The following SNHG17 variants were observed in gnomAD, a reference collection of about 807,000 sequenced individuals.
The protein encoded by SNHG17 is small nucleolar RNA host gene 17.
intron 5 of SNHG17, among the ~76,000 whole-genome samples, chr20:38,424,675 CCAGA>C (rs1432015701): frequency 5.9e-5 from 9 of 152,168 alleles, no homozygotes; most frequent in African/African-American, 1.7e-4. Flanking sequence ...CCAACAATTC[CCAGA>C]CAGTGTGACC....
At chr20:38,431,511 C>T (rs968720703) in intron 2 of SNHG17, among the ~76,000 whole-genome samples, 1 of 152,216 alleles carries the variant, frequency 6.6e-6, no homozygotes, top group Non-Finnish European at 1.5e-5. Context: ...CAGCTTCCAT[C>T]TTGTCCCACA....
intron 5 of SNHG17, among the ~76,000 whole-genome samples, chr20:38,424,218 A>G (rs2122689477): frequency 6.6e-6 from 1 of 152,230 alleles, no homozygotes; most frequent in South Asian, 2.1e-4. Context: ...CCAAGGCAAG[A>G]AGGCTTTTGG....
chr20:38,427,359 G>T (rs375536948), intron 3 of SNHG17: 1 of 517,904 alleles, frequency 1.9e-6, no homozygotes, highest in African/African-American at 1.9e-5. Context: ...CTCCAAACAC[G>T]GGGACAACCT....
intron 2 of SNHG17, among the ~76,000 whole-genome samples, chr20:38,432,897 A>T (rs1295917537): frequency 6.6e-6 from 1 of 151,386 alleles, no homozygotes. Flanking sequence ...CGATCCACCC[A>T]CCTCAGTCTC....
intron 3 of SNHG17, among the ~76,000 whole-genome samples, chr20:38,426,709 C>A (rs1047623552): frequency 2.7e-5 from 4 of 150,760 alleles, no homozygotes; most frequent in Non-Finnish European, 4.4e-5. Flanking sequence ...GAGAACCAGT[C>A]ATCCTCAGGG....
At chr20:38,421,149 C>T (rs2084150697) in intron 6 of SNHG17, 1 of 152,346 alleles carries the variant, frequency 6.6e-6, no homozygotes, top group Admixed American at 6.5e-5. Context: ...GCCATCTCCT[C>T]CTCCCCAAGC....
At chr20:38,425,360 G>A (rs778842414) in intron 5 of SNHG17, 2 of 516,356 alleles carry the variant, frequency 3.9e-6, no homozygotes, top group Admixed American at 3.9e-5. Flanking sequence ...TGAGTTGAGA[G>A]GGGAGGCACT....
chr20:38,432,682 T>C (rs2084358990), intron 2 of SNHG17, among the ~76,000 whole-genome samples: 1 of 152,210 alleles, frequency 6.6e-6, no homozygotes, highest in Non-Finnish European at 1.5e-5. Context: ...CTAAGCCCTG[T>C]CACCTTACAA....
At chr20:38,427,103 A>C (rs1002695195) in intron 3 of SNHG17, among the ~76,000 whole-genome samples, 1 of 139,144 alleles carries the variant, frequency 7.2e-6, no homozygotes, top group Non-Finnish European at 1.6e-5. Flanking sequence ...CACTTATTCG[A>C]AACTGTGCTA....
intron 1 of SNHG17, chr20:38,435,159 G>A: frequency 2.4e-6 from 3 of 1,232,354 alleles, no homozygotes; most frequent in Non-Finnish European, 3.0e-6. Flanking sequence ...CCCCGATGGT[G>A]AGAGTGGAGC....
rs576169249 is a variant in SNHG17, at chr20:38,433,401, CTT to C, written n.308+1101_308+1102del. 5.9e-5 allele frequency among the ~76,000 whole-genome samples: 9 copies of C among 152,252 alleles called. No individual in the cohort carries two copies. The East Asian group carries it at 1.5e-3, about 26-fold the overall frequency. ...GTGGCTCACACCTGTAATTCCAGCA[CTT>C]TGGAAGACTGAGGGAAAATCACTTG... is the stretch of plus-strand genomic sequence containing the variant. On this transcript the variant is annotated intron_variant and non_coding_transcript_variant, in intron 2 of 8. Coordinates refer to ENST00000654008, the Ensembl canonical transcript of SNHG17.
chr20:38,426,276 A>C (rs2084247574), intron 4 of SNHG17: 1 of 152,190 alleles, frequency 6.6e-6, no homozygotes, highest in African/African-American at 2.4e-5. Flanking sequence ...CGAGGAAAAG[A>C]GGGTGTCACA....
chr20:38,423,944 T>C (rs1021759863), intron 5 of SNHG17, among the ~76,000 whole-genome samples: 1 of 152,124 alleles, frequency 6.6e-6, no homozygotes, highest in African/African-American at 2.4e-5. Flanking sequence ...GTCCCAATTA[T>C]TTGTATCACA....
At chr20:38,427,236 C>A (rs544131904) in intron 3 of SNHG17, 2 of 414,636 alleles carry the variant, frequency 4.8e-6, no homozygotes, top group South Asian at 1.8e-5. Context: ...ATGATGCCCC[C>A]CCGCACTGAC....
chr20:38,426,995 T>TACACACACACACACACACACAC lies in SNHG17; in HGVS notation n.381-514_381-493dup, dbSNP rs765781057. 8.3e-4 allele frequency among the ~76,000 whole-genome samples: 104 copies of TACACACACACACACACACACAC among 125,636 alleles called. 1 individual carries two copies. The highest frequency in any genetic ancestry group is 2.8e-3 in the African/African-American group (99 of 35,162). The allele number at this position is 125,636 out of a possible 152,430, so 82.4% of individuals were successfully genotyped here. ...CCCTATCCTGTCCCCAAGTTACACA[T>TACACACACACACACACACACAC]ACACACACACACACACACACACACA... On this transcript the variant is annotated intron_variant and non_coding_transcript_variant, in intron 3 of 8. Coordinates refer to ENST00000654008, the Ensembl canonical transcript of SNHG17.
intron 3 of SNHG17, chr20:38,427,269 C>A (rs775755417): frequency 4.4e-6 from 2 of 457,192 alleles, no homozygotes; most frequent in Admixed American, 2.3e-5. Flanking sequence ...GCCAAGCAAG[C>A]GCCGGACTCC....
intron 3 of SNHG17, chr20:38,430,801 G>T (rs788345): frequency 0.23 from 35,223 of 152,120 alleles, 5,129 homozygotes; most frequent in African/African-American, 0.42. Flanking sequence ...ACATGACAGG[G>T]TCTTTGTCAG....
chr20:38,427,652 A>T (rs1316177659), intron 3 of SNHG17: 2 of 174,166 alleles, frequency 1.1e-5, no homozygotes, highest in African/African-American at 4.8e-5. Context: ...TCATGGGGTC[A>T]CGTCTGTAAA....
rs1271644940 is a variant in SNHG17 at position 38,432,963 on chromosome 20, T to C, written n.308+1541A>G. 3.3e-5 allele frequency among the ~76,000 whole-genome samples: 5 copies of C among 152,064 alleles called. No individual in the cohort carries two copies. In the East Asian group the frequency reaches 7.7e-4, roughly 23 times the overall value. On this transcript the variant is annotated intron_variant and non_coding_transcript_variant, in intron 2 of 8. Coordinates refer to ENST00000654008, the Ensembl canonical transcript of SNHG17. ...CCACGACCAGCCACAGTTGTCTTTT[T>C]CCAGCTCCTGTTTTTTGTTTTTTGT... is the stretch of plus-strand genomic sequence containing the variant.
Sources: allele counts gnomAD v4.1 joint callset (sites outside exome capture counted in the v4.1 genomes callset), GRCh38; gene constraint gnomAD v4.1.1; transcripts MANE v1.5; gene names NCBI Gene and HGNC (gene_info 2026-07-23, HGNC 2026-07-21).